The following NR1H4 variants were observed in gnomAD, a reference collection of about 807,000 sequenced individuals.
NR1H4 encodes nuclear receptor subfamily 1 group H member 4, also known as bile acid receptor.
NR1H4 carries 23 observed loss-of-function variants against 58.5 expected under a neutral mutation model. The ratio of observed to expected loss-of-function variants is 0.39; its 90% CI spans 0.28 to 0.56. The LOEUF (loss-of-function observed/expected upper bound fraction) is 0.56, where lower values mean the gene tolerates loss of function less well. NR1H4 is among the 20% of genes least tolerant of loss of function. The probability of loss-of-function intolerance (pLI) is 0.58; values close to 1 mark genes in which losing one functional copy is unlikely to be tolerated. For synonymous variants in NR1H4, 214 were observed against 198.0 expected (o/e 1.08, Z -0.68); for missense variants, 487 against 576.9 (o/e 0.84, Z 1.60).
At chr12:100,561,546 T>G (rs1267540671) in intron 9 of NR1H4, among the ~76,000 whole-genome samples, 3 of 152,240 alleles carry the variant, frequency 2.0e-5, no homozygotes, top group Admixed American at 6.5e-5. Flanking sequence ...ATTCAAAAGA[T>G]TCACTAAATC....
At chr12:100,516,156 T>C (rs972539161) in intron 4 of NR1H4, among the ~76,000 whole-genome samples, 1 of 152,164 alleles carries the variant, frequency 6.6e-6, no homozygotes, top group African/African-American at 2.4e-5. Context: ...AATGCTACTC[T>C]CCATGAGGTC....
intron 4 of NR1H4, among the ~76,000 whole-genome samples, chr12:100,512,685 T>C (rs1441701246): frequency 1.3e-5 from 2 of 151,954 alleles, no homozygotes; most frequent in Non-Finnish European, 2.9e-5. Context: ...GATTACTGTC[T>C]CAACTAAGGC....
chr12:100,531,540 C>G (rs561434397), intron 4 of NR1H4, among the ~76,000 whole-genome samples: 4 of 152,344 alleles, frequency 2.6e-5, no homozygotes, highest in Admixed American at 6.5e-5. Flanking sequence ...AAAGAGACAA[C>G]TTTGAAAACT....
intron 1 of NR1H4, among the ~76,000 whole-genome samples, chr12:100,490,129 GAAAAAC>G: frequency 1.3e-5 from 2 of 152,274 alleles, no homozygotes; most frequent in Middle Eastern, 6.8e-3. Flanking sequence ...AACTAAGCAA[GAAAAAC>G]AATAAATGCA....
At chr12:100,539,812 ATAAAC>A (rs1954895844) in intron 8 of NR1H4, among the ~76,000 whole-genome samples, 1 of 152,242 alleles carries the variant, frequency 6.6e-6, no homozygotes, top group Admixed American at 6.5e-5. Flanking sequence ...GATAAGTTCT[ATAAAC>A]TAAAATAAAG....
At chr12:100,549,890 C>T (rs935351895) in intron 9 of NR1H4, among the ~76,000 whole-genome samples, 4 of 152,166 alleles carry the variant, frequency 2.6e-5, no homozygotes, top group African/African-American at 7.2e-5. Context: ...AACCTGATCT[C>T]GCAAGATGAC....
chr12:100,547,602 G>A (rs1319149083), intron 9 of NR1H4, among the ~76,000 whole-genome samples: 1 of 152,128 alleles, frequency 6.6e-6, no homozygotes, highest in Non-Finnish European at 1.5e-5. Context: ...AAGTCAGGCA[G>A]TTACACCTTG....
At chr12:100,538,982 G>C (rs1458739475) in intron 8 of NR1H4, among the ~76,000 whole-genome samples, 1 of 152,188 alleles carries the variant, frequency 6.6e-6, no homozygotes, top group African/African-American at 2.4e-5. Flanking sequence ...CTGGAAAAAG[G>C]AGATATTTTT....
At chr12:100,497,661 C>G (rs1190767835) in intron 3 of NR1H4, among the ~76,000 whole-genome samples, 1 of 152,066 alleles carries the variant, frequency 6.6e-6, no homozygotes, top group African/African-American at 2.4e-5. Context: ...GGAGATCCTG[C>G]AAGCCAGGAA....
In NR1H4 at chr12:100,511,035, CG is replaced by C. The variant is rs2096898527; in HGVS notation, c.338del (p.Arg113ProfsTer30). ...VAEMPVTKKP[R>X]MGASAGRIKG... ...AGAGATGCCTGTAACAAAGAAGCCCCGCATGGGCGCGTCAGCAGGGAGGATC... is the reference window on the plus strand; with the variant it reads ...AGAGATGCCTGTAACAAAGAAGCCCCCATGGGCGCGTCAGCAGGGAGGATC... On this transcript the variant is annotated frameshift_variant, in exon 4 of 11. Coordinates refer to ENST00000392986, the MANE Select transcript of NR1H4 (RefSeq NM_001206979.2). LOFTEE classifies it high-confidence loss of function. 2 of 1,614,238 alleles carry C rather than the reference CG, an allele frequency of 1.2e-6. No homozygotes were observed. Among genetic ancestry groups the C allele is most frequent in the Non-Finnish European group, 8.5e-7 (1 of 1,180,042 alleles).
chr12:100,520,652 C>G (rs1176657751), intron 4 of NR1H4, among the ~76,000 whole-genome samples: 1 of 152,178 alleles, frequency 6.6e-6, no homozygotes, highest in Non-Finnish European at 1.5e-5. Flanking sequence ...CCTTTCAATA[C>G]CCTCAAAGCT....
intron 9 of NR1H4, among the ~76,000 whole-genome samples, chr12:100,549,746 T>C (rs1955163089): frequency 1.3e-5 from 2 of 152,172 alleles, no homozygotes; most frequent in South Asian, 2.1e-4. Flanking sequence ...CAACCATATA[T>C]TGTGACAATA....
intron 4 of NR1H4, among the ~76,000 whole-genome samples, chr12:100,516,193 A>G (rs188117067): frequency 6.6e-6 from 1 of 152,334 alleles, no homozygotes; most frequent in Admixed American, 6.5e-5. Context: ...AGTAGAATAA[A>G]ATGTAGACTT....
chr12:100,486,236 G>A (rs1042472699), intron 1 of NR1H4, among the ~76,000 whole-genome samples: 2 of 152,102 alleles, frequency 1.3e-5, no homozygotes, highest in African/African-American at 2.4e-5. Context: ...ATTTATACTA[G>A]ACCAAAGCTA....
chr12:100,553,188 T>C (rs559340217), intron 9 of NR1H4, among the ~76,000 whole-genome samples: 143 of 152,222 alleles, frequency 9.4e-4, no homozygotes, highest in Non-Finnish European at 1.6e-3. Context: ...TTAGTAGAGA[T>C]GGGGTTTCAC....
At chr12:100,499,594 G>C (rs1566435820) in intron 3 of NR1H4, among the ~76,000 whole-genome samples, 1 of 152,172 alleles carries the variant, frequency 6.6e-6, no homozygotes, top group Non-Finnish European at 1.5e-5. Flanking sequence ...GTTTGGAAAA[G>C]GTGTGCAATG....
chr12:100,540,777 C>T lies in NR1H4; in HGVS notation c.1037C>T (p.Ser346Phe), dbSNP rs1954916598. 1.2e-6 allele frequency: 2 copies of T among 1,614,026 alleles called. No homozygotes were observed. Among genetic ancestry groups the T allele is most frequent in the African/African-American group, 2.7e-5 (2 of 74,932 alleles). ...GAGATTTTCAATAAGAAACTTCCGT[C>T]TGGGCATTCTGACCTATTGGAAGAA... ...SAEIFNKKLP[S>F]GHSDLLEERI... Residue 346 changes from serine (S) to phenylalanine (F), a missense_variant, in exon 9 of 11, where the codon TCT becomes TTT. Transcript: ENST00000392986.
intron 4 of NR1H4, among the ~76,000 whole-genome samples, chr12:100,513,653 G>C (rs2136168483): frequency 6.6e-6 from 1 of 152,168 alleles, no homozygotes; most frequent in African/African-American, 2.4e-5. Flanking sequence ...AAATTAGCTG[G>C]GCATAGTGGC....
chr12:100,538,940 T>G (rs1366824443), intron 8 of NR1H4, among the ~76,000 whole-genome samples: 1 of 152,132 alleles, frequency 6.6e-6, no homozygotes, highest in Non-Finnish European at 1.5e-5. Context: ...AAAAACTGGA[T>G]TATATAAGAG....
Sources: gnomAD v4.1 joint callset for allele counts (sites outside exome capture counted in the v4.1 genomes callset) on GRCh38, gnomAD v4.1.1 for gene constraint, MANE v1.5 for transcripts, NCBI Gene and HGNC (gene_info 2026-07-23, HGNC 2026-07-21) for gene names.